The following SLC12A6 variants were observed in gnomAD, a reference collection of about 807,000 sequenced individuals.
SLC12A6 encodes the protein solute carrier family 12 member 6, also known as K-Cl cotransporter 3.
A neutral mutation model predicts 135.3 loss-of-function variants in SLC12A6; 66 were observed. That is an observed-to-expected ratio of 0.49 (90% CI 0.40 to 0.60). The LOEUF is 0.60. SLC12A6 is among the 20% of genes least tolerant of loss of function. SLC12A6 has a pLI of 0.00. For synonymous variants in SLC12A6, 513 were observed against 508.8 expected (o/e 1.01, Z -0.11); for missense variants, 1,058 against 1,452.3 (o/e 0.73, Z 4.41).
intron 3 of SLC12A6, among the ~76,000 whole-genome samples, chr15:34,262,747 G>A (rs1893236125): frequency 6.6e-6 from 1 of 152,198 alleles, no homozygotes; most frequent in Admixed American, 6.5e-5. Context: ...GCCTGGTCCA[G>A]CAGCAATCCC....
At chr15:34,336,800 G>T in intron 1 of SLC12A6, 48 bp from the exon 2 acceptor site, 1 of 803,062 alleles carries the variant, frequency 1.2e-6, no homozygotes. Flanking sequence ...CAATAACCTT[G>T]ATTCACACCA....
In SLC12A6 at chr15:34,230,856, G is replaced by A. The variant is rs1230935459; in HGVS notation, c.*3025C>T. 3.3e-5 allele frequency: 5 copies of A among 152,568 alleles called. No individual in the cohort carries two copies. Among genetic ancestry groups the A allele is most frequent in the Admixed American group, 6.5e-5 (1 of 15,288 alleles). The allele number at this position is 152,568 out of a possible 1,614,324, so 9.5% of individuals were successfully genotyped here. On this transcript the variant is annotated 3_prime_UTR_variant, in exon 26 of 26. Coordinates refer to ENST00000354181, the MANE Select transcript of SLC12A6 (RefSeq NM_001365088.1). ...TTTTGTGTTTCGGGCTGAAGCAGTG[G>A]TTATATTAAAAGCCACTAATTCCCT...
chr15:34,326,618 A>C lies in SLC12A6; in HGVS notation c.271+9792T>G, dbSNP rs113135760. ...CATAATTTGTGTAAAAGACAATGAA[A>C]TACCTATTCTTATGCCAGATTTCTT... On this transcript the variant is annotated intron_variant, in intron 2 of 25. Transcript: ENST00000354181. 1.8e-3 allele frequency among the ~76,000 whole-genome samples: 269 copies of C among 152,248 alleles called. 3 individuals carry two copies. Among genetic ancestry groups the C allele is most frequent in the African/African-American group, 6.2e-3 (258 of 41,542 alleles).
At chr15:34,306,207 G>T (rs949973780) in intron 2 of SLC12A6, among the ~76,000 whole-genome samples, 15 of 152,208 alleles carry the variant, frequency 9.9e-5, no homozygotes, top group African/African-American at 2.9e-4. Flanking sequence ...ACCACAAGCG[G>T]TAGCAGTCTC....
rs1479537807 is a variant in SLC12A6, at chr15:34,239,052, CA to C, written c.2544del (p.Gly850AlafsTer2). The stretch of plus-strand genomic sequence containing the variant: ...ACCACCGTGTTGTGCTTCATGCCCC[CA>C]AGGCCACATGACTGGATGAGGTGGG... ...GISHLIQSCGLGGMKHNTVVM... is the reference protein window; with the variant it reads ...GISHLIQSCGXGGMKHNTVVM... On this transcript the variant is annotated frameshift_variant, in exon 20 of 26. Transcript: ENST00000354181. LOFTEE classifies it high-confidence loss of function. 1 of 1,614,068 alleles carries C rather than the reference CA, an allele frequency of 6.2e-7. No individual in the cohort carries two copies. The highest frequency in any genetic ancestry group is 8.5e-7 in the Non-Finnish European group (1 of 1,180,020).
intron 7 of SLC12A6, 64 bp downstream of exon 7, chr15:34,256,165 G>T: frequency 9.6e-7 from 1 of 1,046,140 alleles, no homozygotes; most frequent in Non-Finnish European, 1.5e-6. Flanking sequence ...TGCACCTCTA[G>T]CTTTATAGCA....
chr15:34,303,510 C>G (rs1451563494), intron 2 of SLC12A6, among the ~76,000 whole-genome samples: 2 of 152,070 alleles, frequency 1.3e-5, no homozygotes, highest in Non-Finnish European at 2.9e-5. Context: ...GTATTATCAA[C>G]ACTAGTTCCT....
intron 2 of SLC12A6, among the ~76,000 whole-genome samples, chr15:34,304,226 C>A (rs79830008): frequency 6.6e-6 from 1 of 152,102 alleles, no homozygotes. Context: ...TCAAGCTTCA[C>A]ACATGTTATA....
rs112556386 is a variant in SLC12A6, at chr15:34,331,903, T to C, written c.271+4507A>G. Reference sequence around the variant, plus strand: ...GGTTAACAGCCAGTCTCAAAGTTGTTACACTTAGACCTCAACTCTCCACTT... The same window carrying C: ...GGTTAACAGCCAGTCTCAAAGTTGTCACACTTAGACCTCAACTCTCCACTT... On this transcript the variant is annotated intron_variant, in intron 2 of 25. Transcript: ENST00000354181. Among the ~76,000 whole-genome samples the C allele has an allele frequency of 1.8e-3, 273 of 152,236 alleles. 3 individuals are homozygous for C. Among genetic ancestry groups the C allele is most frequent in the African/African-American group, 6.3e-3 (262 of 41,536 alleles).
intron 2 of SLC12A6, among the ~76,000 whole-genome samples, chr15:34,302,710 G>A (rs934753340): frequency 4.0e-5 from 6 of 151,764 alleles, no homozygotes; most frequent in Admixed American, 1.3e-4. Flanking sequence ...TGGCACTTCC[G>A]GAGGTGGAGG....
Position 34,336,491 on chromosome 15 carries a change from A to C in SLC12A6, c.190T>G (p.Ser64Ala). 6.2e-7 allele frequency: 1 copy of C among 1,613,736 alleles called. No homozygotes were observed. The highest frequency in any genetic ancestry group is 8.5e-7 in the Non-Finnish European group (1 of 1,179,706). The change falls in exon 2 of 26, where the codon TCT (serine) becomes GCT (alanine). Residue 64 changes from serine to alanine, a missense_variant. Physicochemically the swap from Ser to Ala is moderately conservative, Grantham distance 99. This residue lies in a region of SLC12A6 where 176 missense variants were observed against 168.9 expected (regional missense o/e 1.04). Coordinates refer to ENST00000354181, the MANE Select transcript of SLC12A6 (RefSeq NM_001365088.1). ...GTTGCCAGCGAAGTGGTGGCCCCAG[A>C]CATCTCACTCATAGGCTCACTCCGG... Reference protein sequence around the residue: ...TSRSEPMSEMSGATTSLATVA... With the variant: ...TSRSEPMSEMAGATTSLATVA...
intron 10 of SLC12A6, 98 bp downstream of exon 10, chr15:34,252,072 G>A (rs930472096): frequency 1.4e-6 from 1 of 712,070 alleles, no homozygotes; most frequent in African/African-American, 1.8e-5. Flanking sequence ...TTAGCACCAT[G>A]GCAGTGAATC....
chr15:34,320,677 G>A lies in SLC12A6; in HGVS notation c.271+15733C>T, dbSNP rs576795002. Among the ~76,000 whole-genome samples the A allele has an allele frequency of 1.7e-3, 251 of 151,868 alleles. 1 individual carries two copies. The highest frequency in any genetic ancestry group is 5.7e-3 in the African/African-American group (238 of 41,404). The stretch of plus-strand genomic sequence containing the variant: ...CATGCCTGTAATCCCAGCACTTTGG[G>A]AGGCCGAGGCGGGTGGATCAAGAGG... On this transcript the variant is annotated intron_variant, in intron 2 of 25. Coordinates refer to ENST00000354181, the MANE Select transcript of SLC12A6 (RefSeq NM_001365088.1).
At chr15:34,312,886 G>GTGCTATTGAAATTGCTGT (rs1281710609) in intron 2 of SLC12A6, among the ~76,000 whole-genome samples, 1 of 152,086 alleles carries the variant, frequency 6.6e-6, no homozygotes, top group Non-Finnish European at 1.5e-5. Flanking sequence ...ATGATGATCT[G>GTGCTATTGAAATTGCTGT]TGCTATTGAA....
intron 2 of SLC12A6, among the ~76,000 whole-genome samples, chr15:34,316,973 G>A (rs1473003835): frequency 6.6e-6 from 1 of 152,186 alleles, no homozygotes; most frequent in African/African-American, 2.4e-5. Flanking sequence ...CATAAGCAAA[G>A]AAGGTGCAGC....
chr15:34,236,590 C>T (rs937010208), intron 23 of SLC12A6, 118 bp downstream of exon 23: 1 of 741,898 alleles, frequency 1.3e-6, no homozygotes, highest in Non-Finnish European at 2.5e-6. Flanking sequence ...GATCCACCCG[C>T]CTCGGCCTCC....
At position 34,233,841 on chromosome 15, in the gene SLC12A6, CT is replaced by C; in HGVS notation, c.*39del. On this transcript the variant is annotated 3_prime_UTR_variant, in exon 26 of 26. Coordinates refer to ENST00000354181, the MANE Select transcript of SLC12A6 (RefSeq NM_001365088.1). Reference sequence around the variant, plus strand: ...TGGCACTTCCATGGAGGACGTAGGCCTTTTAAGAAAACAGGTCAAGCACGGT... The same window carrying C: ...TGGCACTTCCATGGAGGACGTAGGCCTTTAAGAAAACAGGTCAAGCACGGT... 1.8e-6 allele frequency: 2 copies of C among 1,109,724 alleles called. No homozygotes were observed. Among genetic ancestry groups the C allele is most frequent in the Admixed American group, 1.7e-5 (1 of 59,378 alleles). The allele number at this position is 1,109,724 out of a possible 1,614,324, so 68.7% of individuals were successfully genotyped here.
chr15:34,271,187 A>G (rs552199414), intron 3 of SLC12A6, among the ~76,000 whole-genome samples: 25 of 152,256 alleles, frequency 1.6e-4, no homozygotes, highest in African/African-American at 6.0e-4. Flanking sequence ...TTATTATACA[A>G]TATTTTTCTT....
chr15:34,262,382 T>C (rs1207120784), intron 3 of SLC12A6, among the ~76,000 whole-genome samples: 1 of 152,156 alleles, frequency 6.6e-6, no homozygotes, highest in East Asian at 1.9e-4. Flanking sequence ...GAGAATTGTT[T>C]CTCATCATTC....
Sources: gnomAD v4.1 joint callset for allele counts (sites outside exome capture counted in the v4.1 genomes callset) on GRCh38, gnomAD v4.1.1 for gene constraint, gnomAD v4.1.1 regional missense constraint, MANE v1.5 for transcripts, NCBI Gene and HGNC (gene_info 2026-07-23, HGNC 2026-07-21) for gene names.